ZFHX3: variants seen among roughly 807,000 people sequenced by gnomAD.
ZFHX3 encodes zinc finger homeobox protein 3.
ZFHX3 carries 42 observed loss-of-function variants against 279.1 expected under a neutral mutation model. That is an observed-to-expected ratio of 0.15 (90% CI 0.12 to 0.19). The LOEUF (loss-of-function observed/expected upper bound fraction) is 0.19, where lower values mean the gene tolerates loss of function less well. Ranked by LOEUF, ZFHX3 falls within the 10% of genes least tolerant of loss-of-function variation. ZFHX3 has a pLI of 1.00. For synonymous variants in ZFHX3, 2,293 were observed against 1,957.8 expected, an observed-to-expected ratio of 1.17 and a Z score of -4.52; for missense variants, 4,981 against 4,754.0, an observed-to-expected ratio of 1.05 and a Z score of -1.40.
chr16:72,918,422 T>C (rs937088738), intron 3 of ZFHX3, among the ~76,000 whole-genome samples: 1 of 152,056 alleles, frequency 6.6e-6, no homozygotes, highest in Non-Finnish European at 1.5e-5. Context: ...ATGGAAAAAA[T>C]AGTGACATTC....
At chr16:73,539,045 A>G (rs556302841) in intron 2 of ZFHX3, among the ~76,000 whole-genome samples, 3 of 152,338 alleles carry the variant, frequency 2.0e-5, no homozygotes, top group African/African-American at 7.2e-5. Flanking sequence ...GATTGTATGT[A>G]GGGGGAAATG....
chr16:73,413,601 A>G (rs2017512997), intron 3 of ZFHX3, among the ~76,000 whole-genome samples: 1 of 152,182 alleles, frequency 6.6e-6, no homozygotes, highest in Admixed American at 6.5e-5. Flanking sequence ...CGAAGTGAGA[A>G]CATTGTGGTT....
At chr16:73,572,396 G>C (rs1686544321) in intron 2 of ZFHX3, among the ~76,000 whole-genome samples, 1 of 152,160 alleles carries the variant, frequency 6.6e-6, no homozygotes, top group African/African-American at 2.4e-5. Context: ...GAAGGACAAA[G>C]TAAGAACAGC....
In ZFHX3 at chr16:72,959,978, G is replaced by C; in HGVS notation, c.168C>G (p.Pro56=). ...SHGPLDSLRA[P]FNERLAESTA... is the part of the protein sequence containing the mutation. ...TGCTCTCCGCGAGGCGCTCATTGAA[G>C]GGGGCCCTCAGGCTGTCCAAGGGCC... is the stretch of plus-strand genomic sequence containing the variant. The change falls in exon 2 of 10, where the codon CCC becomes CCG. Residue 56 remains proline (P), a synonymous_variant. Transcript: ENST00000268489. 6.2e-7 allele frequency: 1 copy of C among 1,612,002 alleles called. No homozygotes were observed. Among genetic ancestry groups the C allele is most frequent in the Non-Finnish European group, 8.5e-7 (1 of 1,178,804 alleles).
chr16:73,691,619 C>T (rs1045637669), intron 1 of ZFHX3, among the ~76,000 whole-genome samples: 1 of 152,114 alleles, frequency 6.6e-6, no homozygotes, highest in Admixed American at 6.5e-5. Context: ...TTTACAACAA[C>T]TCCATGGGAT....
intron 3 of ZFHX3, among the ~76,000 whole-genome samples, chr16:72,939,604 C>T (rs1429738882): frequency 6.6e-6 from 1 of 152,218 alleles, no homozygotes; most frequent in African/African-American, 2.4e-5. Context: ...CCCATAGATA[C>T]AGGCTGGGTG....
chr16:73,629,328 A>C (rs2052447112), intron 2 of ZFHX3, among the ~76,000 whole-genome samples: 1 of 152,088 alleles, frequency 6.6e-6, no homozygotes, highest in African/African-American at 2.4e-5. Flanking sequence ...TAAGCAGAGG[A>C]GTCTGACTCC....
At chr16:73,886,466 A>T (rs2077209985) in intron 1 of ZFHX3, among the ~76,000 whole-genome samples, 1 of 152,236 alleles carries the variant, frequency 6.6e-6, no homozygotes, top group Admixed American at 6.5e-5. Flanking sequence ...ACGGACTTTA[A>T]TAACACTTAA....
At chr16:72,909,715 A>G (rs1348233644) in intron 3 of ZFHX3, among the ~76,000 whole-genome samples, 2 of 151,812 alleles carry the variant, frequency 1.3e-5, no homozygotes, top group South Asian at 2.1e-4. Context: ...TGTTTCTACA[A>G]AAAAATACAA....
chr16:73,869,001 T>C (rs1039720504), intron 1 of ZFHX3, among the ~76,000 whole-genome samples: 42 of 152,184 alleles, frequency 2.8e-4, no homozygotes, highest in African/African-American at 1.0e-3. Flanking sequence ...TGGTCAATGT[T>C]GTCCTGATCA....
chr16:73,551,975 T>C (rs1454373980), intron 2 of ZFHX3, among the ~76,000 whole-genome samples: 1 of 152,094 alleles, frequency 6.6e-6, no homozygotes, highest in Admixed American at 6.5e-5. Context: ...GTTGAAAGGA[T>C]AGAGATAATT....
intron 1 of ZFHX3, among the ~76,000 whole-genome samples, chr16:73,773,690 A>G (rs2054045792): frequency 6.6e-6 from 1 of 152,236 alleles, no homozygotes; most frequent in South Asian, 2.1e-4. Context: ...GAACCACGTG[A>G]CATTTCACAT....
chr16:73,807,620 ATTTTTTTTTT>A (rs55806545), intron 1 of ZFHX3, among the ~76,000 whole-genome samples: 743 of 70,594 alleles, frequency 0.011, 13 homozygotes, highest in African/African-American at 0.037. Flanking sequence ...CCATGCCCCA[ATTTTTTTTTT>A]TTTTTTTTTT....
At chr16:73,189,896 C>A (rs563967386) in intron 5 of ZFHX3, among the ~76,000 whole-genome samples, 1 of 152,100 alleles carries the variant, frequency 6.6e-6, no homozygotes, top group South Asian at 2.1e-4. Flanking sequence ...GAGTTCAAGA[C>A]CAGCCTGGGC....
At chr16:73,769,124 T>G (rs1291607829) in intron 1 of ZFHX3, among the ~76,000 whole-genome samples, 1 of 152,166 alleles carries the variant, frequency 6.6e-6, no homozygotes, top group African/African-American at 2.4e-5. Flanking sequence ...ACCCTGACCT[T>G]GGACAAGGTT....
chr16:73,551,756 CT>C (rs998150407), intron 2 of ZFHX3, among the ~76,000 whole-genome samples: 13 of 152,316 alleles, frequency 8.5e-5, no homozygotes, highest in African/African-American at 1.4e-4. Context: ...CCACAGCCCA[CT>C]TGATTACATC....
chr16:72,870,279 G>T (rs2038122638), intron 4 of ZFHX3, among the ~76,000 whole-genome samples: 1 of 151,984 alleles, frequency 6.6e-6, no homozygotes, highest in Admixed American at 6.6e-5. Flanking sequence ...GTAGTCCCAG[G>T]TACTCAGGAG....
chr16:72,985,105 G>A (rs16971474), intron 1 of ZFHX3, among the ~76,000 whole-genome samples: 30,963 of 151,980 alleles, frequency 0.2, 3,366 homozygotes, highest in East Asian at 0.37. Flanking sequence ...TTAATACTAC[G>A]TAATCTCGAA....
In ZFHX3 at chr16:73,221,186, G is replaced by A. The variant is rs567573049; in HGVS notation, c.-1104+35861C>T. ...TGTAGAAGACTGAGCTTGAGAATGT[G>A]CTTTTCTATATATTATACCACGTCT... is the stretch of plus-strand genomic sequence containing the variant. On this transcript the variant is annotated intron_variant, in intron 5 of 17. Coordinates refer to the ZFHX3 transcript ENST00000641206. Among the ~76,000 whole-genome samples, 88 of 152,222 alleles carry A rather than the reference G, an allele frequency of 5.8e-4. No individual in the cohort carries two copies. In the South Asian group the frequency reaches 7.7e-3, roughly 13 times the overall value.
Sources: gnomAD v4.1 joint callset for allele counts (sites outside exome capture counted in the v4.1 genomes callset) on GRCh38, gnomAD v4.1.1 for gene constraint, MANE v1.5 for transcripts, NCBI Gene and HGNC (gene_info 2026-07-23, HGNC 2026-07-21) for gene names.